Variants in HELZ observed in about 807,000 individuals in gnomAD.
HELZ encodes the protein ATP-dependent RNA helicase with zinc finger domain.
Under a neutral mutation model 218.2 loss-of-function variants are expected in HELZ, and 23 were observed. That is an observed-to-expected ratio of 0.11 (90% CI 0.08 to 0.15). HELZ has a LOEUF of 0.15. HELZ is among the 10% of genes least tolerant of loss of function. HELZ has a pLI of 1.00. For synonymous variants in HELZ, 814 were observed against 829.4 expected (o/e 0.98, Z 0.32); for missense variants, 1,813 against 2,353.7 (o/e 0.77, Z 4.75).
chr17:67,145,085 C>G (rs1158075259), intron 21 of HELZ, among the ~76,000 whole-genome samples: 1 of 152,106 alleles, frequency 6.6e-6, no homozygotes, highest in Admixed American at 6.6e-5. Flanking sequence ...GACTGGAGAT[C>G]AAGAGCCATG....
intron 3 of HELZ, among the ~76,000 whole-genome samples, chr17:67,222,016 T>C (rs1232962208): frequency 6.6e-6 from 1 of 151,980 alleles, no homozygotes; most frequent in Non-Finnish European, 1.5e-5. Flanking sequence ...TTTTTTTTTA[T>C]TTTTTTGTAG....
chr17:67,121,424 C>T (rs1003429659), intron 26 of HELZ, among the ~76,000 whole-genome samples: 1 of 152,188 alleles, frequency 6.6e-6, no homozygotes, highest in Non-Finnish European at 1.5e-5. Context: ...GAAATAACTG[C>T]TAAAATCCAA....
Position 67,188,346 on chromosome 17 carries a change from C to T in HELZ, c.1135G>A (p.Val379Ile). 6.2e-7 allele frequency: 1 copy of T among 1,612,560 alleles called. No homozygotes were observed. Among genetic ancestry groups the T allele is most frequent in the Non-Finnish European group, 8.5e-7 (1 of 1,178,712 alleles). Residue 379 changes from valine to isoleucine, a missense_variant, in exon 12 of 33, where the codon GTA becomes ATA. By Grantham distance (29) the Val-to-Ile change is conservative. This residue lies in a region of HELZ where 714 missense variants were observed against 1,029.2 expected (regional missense o/e 0.69). Transcript: ENST00000358691. This position sits in a 1 kb window ranked among gnomAD's most constrained non-coding sequence, Gnocchi z 4.1. The part of the protein sequence containing the change: ...FGLEPVLMQR[V>I]MIDAASTEDL... ...TCTGTAGAAGCTGCATCAATCATTA[C>T]TCTTTGCATGAGTACTGGTTCCAAT...
At chr17:67,157,189 C>G (rs1427559263) in intron 17 of HELZ, among the ~76,000 whole-genome samples, 1 of 152,208 alleles carries the variant, frequency 6.6e-6, no homozygotes, top group Non-Finnish European at 1.5e-5. Flanking sequence ...GCCAATTAAA[C>G]CTCTTTTCTT....
chr17:67,160,613 T>C (rs1003412781), intron 16 of HELZ, among the ~76,000 whole-genome samples: 4 of 152,216 alleles, frequency 2.6e-5, no homozygotes, highest in Non-Finnish European at 4.4e-5. Flanking sequence ...CCAAGTCTTC[T>C]GGCTCTAATA....
intron 17 of HELZ, among the ~76,000 whole-genome samples, chr17:67,158,899 C>T (rs1011292088): frequency 6.6e-6 from 1 of 152,132 alleles, no homozygotes; most frequent in African/African-American, 2.4e-5. Context: ...AACAGCTCTA[C>T]AGCCCCAAGT....
chr17:67,121,591 A>C (rs942634809), intron 26 of HELZ, among the ~76,000 whole-genome samples: 4 of 152,210 alleles, frequency 2.6e-5, no homozygotes, highest in African/African-American at 7.2e-5. Flanking sequence ...AGGTTGCCAA[A>C]AACCTTTGGC....
chr17:67,167,825 A>G lies in HELZ; in HGVS notation c.1431-29T>C. ...AACCAGAAGTAGAAAACTAGTTTGA[A>G]TATTTTACATCAAAAATATATAAAA... is the stretch of plus-strand genomic sequence containing the variant. On this transcript the variant is annotated intron_variant, in intron 13 of 32. Transcript: ENST00000358691. 3 of 1,384,540 alleles carry G rather than the reference A, an allele frequency of 2.2e-6. No individual in the cohort carries two copies. The South Asian group carries it at 3.8e-5, about 18-fold the overall frequency. 85.8% of individuals were successfully genotyped at this position (1,384,540 alleles called of 1,614,324 possible).
At chr17:67,082,783 T>A (rs2143547957) in intron 32 of HELZ, among the ~76,000 whole-genome samples, 1 of 152,168 alleles carries the variant, frequency 6.6e-6, no homozygotes, top group Middle Eastern at 3.4e-3. Context: ...ACTATTTTTA[T>A]TTACTTTATT....
At chr17:67,125,028 G>GA (rs1176681450) in intron 24 of HELZ, among the ~76,000 whole-genome samples, 5 of 106,530 alleles carry the variant, frequency 4.7e-5, no homozygotes, top group African/African-American at 1.6e-4. Flanking sequence ...GTCTACAGCA[G>GA]GAAAAAAAAA....
chr17:67,171,471 C>CA (rs2039309112), intron 13 of HELZ, among the ~76,000 whole-genome samples: 1 of 152,182 alleles, frequency 6.6e-6, no homozygotes. Flanking sequence ...CCTTCATTCA[C>CA]ACATCACAGA....
chr17:67,166,967 G>A (rs955755652), intron 14 of HELZ, among the ~76,000 whole-genome samples: 5 of 152,254 alleles, frequency 3.3e-5, no homozygotes, highest in Middle Eastern at 3.4e-3. Context: ...CAAAAGATCA[G>A]AACATGTGAA....
intron 23 of HELZ, among the ~76,000 whole-genome samples, chr17:67,130,914 T>C (rs1292644455): frequency 6.6e-6 from 1 of 152,204 alleles, no homozygotes; most frequent in Admixed American, 6.6e-5. Context: ...GACAGGGTTG[T>C]GCTGTCACTC....
At chr17:67,173,168 T>C (rs2039360138) in intron 13 of HELZ, 1 of 247,076 alleles carries the variant, frequency 4.0e-6, no homozygotes, top group African/African-American at 2.3e-5. Flanking sequence ...GCAGACATTA[T>C]AGACTTTCTA....
At chr17:67,231,050 A>C (rs1458926826) in intron 3 of HELZ, among the ~76,000 whole-genome samples, 3 of 152,208 alleles carry the variant, frequency 2.0e-5, no homozygotes, top group African/African-American at 7.2e-5. Flanking sequence ...GAAGGATAAG[A>C]CACAGTCTAA....
chr17:67,170,075 G>A (rs1317308583), intron 13 of HELZ, among the ~76,000 whole-genome samples: 1 of 152,182 alleles, frequency 6.6e-6, no homozygotes, highest in African/African-American at 2.4e-5. Flanking sequence ...TGGCTTCTTT[G>A]GCTTTGCTGG....
At chr17:67,105,246 T>G (rs1314216506) in intron 31 of HELZ, among the ~76,000 whole-genome samples, 1 of 152,192 alleles carries the variant, frequency 6.6e-6, no homozygotes, top group African/African-American at 2.4e-5. Context: ...TACATAGCTG[T>G]GGGAATATAA....
chr17:67,212,315 A>AAAAAAAAAAAAC (rs2040477179), intron 5 of HELZ, among the ~76,000 whole-genome samples: 1 of 70,784 alleles, frequency 1.4e-5, no homozygotes, highest in Non-Finnish European at 2.7e-5. Flanking sequence ...ACACCATCTC[A>AAAAAAAAAAAAC]AAAAAAAAAA....
chr17:67,138,237 A>C (rs1250727215), intron 21 of HELZ, 123 bp from the exon 22 acceptor site: 1 of 710,898 alleles, frequency 1.4e-6, no homozygotes, highest in African/African-American at 1.8e-5. Context: ...AAAAAAAAAA[A>C]AAACTACCCC....
Sources: allele counts gnomAD v4.1 joint callset (sites outside exome capture counted in the v4.1 genomes callset), GRCh38; gene constraint gnomAD v4.1.1; regional missense constraint gnomAD v4.1.1; non-coding constraint Gnocchi (gnomAD v3.1); transcripts MANE v1.5; gene names NCBI Gene and HGNC (gene_info 2026-07-23, HGNC 2026-07-21).